NIPAL3: variants seen among roughly 807,000 people sequenced by gnomAD.
NIPAL3 encodes the protein NIPA like domain containing 3.
In NIPAL3, 41 loss-of-function variants were observed where a neutral mutation model predicts 47.2. The observed-to-expected ratio is 0.87, with a 90% confidence interval of 0.68 to 1.13. The LOEUF (loss-of-function observed/expected upper bound fraction) is 1.13. Among genes scored for constraint, NIPAL3 ranks in the 50% most tolerant of loss-of-function variants. The pLI, the probability that NIPAL3 is intolerant of heterozygous loss-of-function variation, is 0.00. For synonymous variants in NIPAL3, 194 were observed against 209.6 expected (o/e 0.93, Z 0.64); for missense variants, 449 against 530.1 (o/e 0.85, Z 1.50).
At chr1:24,466,100 C>T (rs773358978) in intron 11 of NIPAL3, 1 of 1,608,680 alleles carries the variant, frequency 6.2e-7, no homozygotes, top group East Asian at 2.2e-5. Context: ...GTAATTCAAG[C>T]ACCTGAAAGA....
chr1:24,463,979 C>T, intron 10 of NIPAL3, 47 bp from the exon 11 acceptor site: 1 of 1,525,282 alleles, frequency 6.6e-7, no homozygotes, highest in Non-Finnish European at 9.0e-7. Flanking sequence ...CCTGCCCGAC[C>T]TTGCTCCTGG....
At chr1:24,466,235 G>A in intron 11 of NIPAL3, 2 of 708,384 alleles carry the variant, frequency 2.8e-6, no homozygotes, top group Non-Finnish European at 4.6e-6. Context: ...AGCAGACAAG[G>A]CCACTCTGCA....
rs150404391 is a variant in NIPAL3, at chr1:24,449,511, G to T, written c.425G>T (p.Gly142Val). The change falls in exon 6 of 12, where the codon GGT becomes GTT. Residue 142 changes from glycine to valine, a missense_variant. Gly to Val is a moderately radical substitution (Grantham distance 109). Coordinates refer to ENST00000374399, the MANE Select transcript of NIPAL3 (RefSeq NM_020448.5). This position sits in a 1 kb window ranked among gnomAD's most constrained non-coding sequence, Gnocchi z 4.5. The stretch of plus-strand genomic sequence containing the variant: ...TACGTCTTGTCCTTTGTTGGCTGCG[G>T]TTTGGCTGTCGTGGGTACCTACCTG... ...RRYVLSFVGC[G>V]LAVVGTYLLV... 4.3e-6 allele frequency: 7 copies of T among 1,613,984 alleles called. No homozygotes were observed. In the African/African-American group the frequency reaches 9.3e-5, roughly 22 times the overall value.
At chr1:24,467,481 A>AAAT (rs1646748464) in intron 11 of NIPAL3, among the ~76,000 whole-genome samples, 1 of 151,886 alleles carries the variant, frequency 6.6e-6, no homozygotes, top group Non-Finnish European at 1.5e-5. Flanking sequence ...CGTCTCAAAA[A>AAAT]AAATAAATAA....
At chr1:24,434,657 C>G (rs1645020238) in intron 2 of NIPAL3, among the ~76,000 whole-genome samples, 1 of 152,062 alleles carries the variant, frequency 6.6e-6, no homozygotes, top group Non-Finnish European at 1.5e-5. Flanking sequence ...TGCACATGAA[C>G]ATTTTCTGGG....
At chr1:24,458,779 C>T (rs1646338750) in intron 8 of NIPAL3, 109 bp from the exon 9 acceptor site, 2 of 835,754 alleles carry the variant, frequency 2.4e-6, no homozygotes, top group Non-Finnish European at 2.0e-6. Flanking sequence ...ACCCAAGGAA[C>T]ATTCCTAAAT....
At chr1:24,467,363 G>T (rs538192443) in intron 11 of NIPAL3, among the ~76,000 whole-genome samples, 1 of 152,092 alleles carries the variant, frequency 6.6e-6, no homozygotes, top group Non-Finnish European at 1.5e-5. Flanking sequence ...CTAGCTACTC[G>T]GGAGGCTCAG....
chr1:24,466,948 A>C (rs1325976054), intron 11 of NIPAL3, among the ~76,000 whole-genome samples: 1 of 152,192 alleles, frequency 6.6e-6, no homozygotes, highest in Non-Finnish European at 1.5e-5. Flanking sequence ...GGGTCTTCCC[A>C]GGCCATTTGC....
rs2148874437 is a variant in NIPAL3 at position 24,471,140 on chromosome 1, A to C, written c.*1955A>C. 6.6e-6 allele frequency: 1 copy of C among 152,320 alleles called. No homozygotes were observed. Among genetic ancestry groups the C allele is most frequent in the African/African-American group, 2.4e-5 (1 of 41,576 alleles). 9.4% of individuals were successfully genotyped at this position (152,320 alleles called of 1,614,324 possible). A position where few individuals can be genotyped will look rare whatever the true frequency, so the allele number is the denominator to read the frequency against. On this transcript the variant is annotated 3_prime_UTR_variant, in exon 12 of 12. Transcript: ENST00000374399. The stretch of plus-strand genomic sequence containing the variant: ...GGCCCCACTCATAGATGGGTGGCAA[A>C]TCTAAGATTTGTATAAAGCATATAA...
chr1:24,464,071 GAAGAA>G lies in NIPAL3; in HGVS notation c.973_977del (p.Lys325AlafsTer5), dbSNP rs1334859466. The G allele has an allele frequency of 4.3e-6, 7 of 1,613,318 alleles. No individual in the cohort carries two copies. Among genetic ancestry groups the G allele is most frequent in the African/African-American group, 1.3e-5 (1 of 74,868 alleles). On this transcript the variant is annotated frameshift_variant, in exon 11 of 12. Coordinates refer to ENST00000374399, the MANE Select transcript of NIPAL3 (RefSeq NM_020448.5). LOFTEE classifies it high-confidence loss of function. ...GCGTCTTCTTAATCACGCGTAACAG[GAAGAA>G]GCCCATTCCATTTGAGCCCTATATT...
At chr1:24,446,759 C>T (rs1228558899) in intron 5 of NIPAL3, among the ~76,000 whole-genome samples, 2 of 152,092 alleles carry the variant, frequency 1.3e-5, no homozygotes. Flanking sequence ...TATAATAGAA[C>T]AATTTATGTT....
rs1330859808 is a variant in NIPAL3 at position 24,449,525 on chromosome 1, G to A, written c.439G>A (p.Gly147Ser). 6 of 1,613,996 alleles carry A rather than the reference G, an allele frequency of 3.7e-6. No homozygotes were observed. Among genetic ancestry groups the A allele is most frequent in the Admixed American group, 1.7e-5 (1 of 60,014 alleles). ...TGTTGGCTGCGGTTTGGCTGTCGTG[G>A]GTACCTACCTGCTGGTGACATTCGC... ...SFVGCGLAVV[G>S]TYLLVTFAPN... Residue 147 changes from glycine (G) to serine (S), a missense_variant, in exon 6 of 12, where the codon GGT becomes AGT. Transcript: ENST00000374399. The surrounding 1 kb of genome is among the most constrained non-coding windows in gnomAD (Gnocchi z 4.5).
chr1:24,446,754 T>C (rs939112607), intron 5 of NIPAL3, among the ~76,000 whole-genome samples: 2 of 152,224 alleles, frequency 1.3e-5, no homozygotes, highest in African/African-American at 4.8e-5. Context: ...ATCTTTATAA[T>C]AGAACAATTT....
chr1:24,417,171 A>G (rs1297634300), intron 1 of NIPAL3, among the ~76,000 whole-genome samples: 2 of 152,188 alleles, frequency 1.3e-5, no homozygotes, highest in Non-Finnish European at 2.9e-5. Context: ...GTCGGTTGGT[A>G]TGTATACAAG....
In NIPAL3 at chr1:24,416,758, G is replaced by T. The variant is rs1644063138; in HGVS notation, c.-258+854G>T. On this transcript the variant is annotated intron_variant, in intron 1 of 11. Coordinates refer to ENST00000374399, the MANE Select transcript of NIPAL3 (RefSeq NM_020448.5). This position sits in a 1 kb window ranked among gnomAD's most constrained non-coding sequence, Gnocchi z 4.8. ...TTATAAGGGAGTACAGCTTGCAAAG[G>T]GTTCCTCCAGGCTTTCAGTCCGGAC... 6.6e-6 allele frequency: 1 copy of T among 152,190 alleles called. No homozygotes were observed. The highest frequency in any genetic ancestry group is 1.5e-5 in the Non-Finnish European group (1 of 68,050). 9.4% of individuals were successfully genotyped at this position (152,190 alleles called of 1,614,324 possible).
chr1:24,421,569 T>C (rs939176394), intron 2 of NIPAL3, among the ~76,000 whole-genome samples: 5 of 152,208 alleles, frequency 3.3e-5, no homozygotes, highest in Non-Finnish European at 7.3e-5. Context: ...CAGTGACTAA[T>C]ATTTATTGAG....
intron 7 of NIPAL3, among the ~76,000 whole-genome samples, chr1:24,455,367 C>G (rs1646145726): frequency 6.6e-6 from 1 of 152,186 alleles, no homozygotes; most frequent in African/African-American, 2.4e-5. Flanking sequence ...TTTTCTCTGC[C>G]TTTTAAATTA....
At chr1:24,448,005 C>T (rs1396560531) in intron 5 of NIPAL3, among the ~76,000 whole-genome samples, 1 of 152,228 alleles carries the variant, frequency 6.6e-6, no homozygotes, top group African/African-American at 2.4e-5. Context: ...TGAGTAAGAC[C>T]CATCCCTGCC....
At chr1:24,419,788 T>A in intron 2 of NIPAL3, 148 bp downstream of exon 2, 1 of 695,210 alleles carries the variant, frequency 1.4e-6, no homozygotes, top group Non-Finnish European at 2.4e-6. Flanking sequence ...AGGGAATGTG[T>A]AAGCAAAAGA....
Sources: allele counts gnomAD v4.1 joint callset (sites outside exome capture counted in the v4.1 genomes callset), GRCh38; gene constraint gnomAD v4.1.1; non-coding constraint Gnocchi (gnomAD v3.1); transcripts MANE v1.5; gene names NCBI Gene and HGNC (gene_info 2026-07-23, HGNC 2026-07-21).